Variants in NUDC observed in about 807,000 individuals in gnomAD.
The protein encoded by NUDC is nuclear distribution C, dynein complex regulator, also known as nuclear migration protein nudC.
NUDC carries 14 observed loss-of-function variants against 45.0 expected under a neutral mutation model. The observed-to-expected ratio is 0.31, with a 90% CI of 0.21 to 0.49. The LOEUF is 0.49. NUDC is among the 20% of genes least tolerant of loss of function. The pLI, the probability that NUDC is intolerant of heterozygous loss-of-function variation, is 0.99. For missense variants in NUDC, 323 were observed against 426.2 expected, an observed-to-expected ratio of 0.76 and a Z score of 2.13; for synonymous variants, 153 against 156.7, an observed-to-expected ratio of 0.98 and a Z score of 0.17.
chr1:26,935,626 C>T (rs2082223090), intron 2 of NUDC, among the ~76,000 whole-genome samples: 1 of 151,968 alleles, frequency 6.6e-6, no homozygotes, highest in Non-Finnish European at 1.5e-5. Flanking sequence ...CTTCCCATGA[C>T]ATGTGGGGAT....
chr1:26,935,971 A>G (rs998372476), intron 2 of NUDC, among the ~76,000 whole-genome samples: 3 of 149,062 alleles, frequency 2.0e-5, no homozygotes, highest in Non-Finnish European at 4.5e-5. Flanking sequence ...CTACAAAAAA[A>G]AAATGTTTTG....
At chr1:26,908,209 T>C (rs774392897) in intron 2 of NUDC, among the ~76,000 whole-genome samples, 139 of 150,300 alleles carry the variant, frequency 9.2e-4, no homozygotes, top group Non-Finnish European at 1.7e-3. Context: ...GCACAGACAG[T>C]GATCAGCCCA....
At chr1:26,943,419 T>C (rs1181808881) in intron 6 of NUDC, among the ~76,000 whole-genome samples, 6 of 152,148 alleles carry the variant, frequency 3.9e-5, no homozygotes, top group African/African-American at 9.7e-5. Flanking sequence ...GGTCTCACTA[T>C]ATTTCCCAGG....
intron 2 of NUDC, among the ~76,000 whole-genome samples, chr1:26,928,891 A>G (rs996214385): frequency 6.6e-6 from 1 of 152,200 alleles, no homozygotes; most frequent in Non-Finnish European, 1.5e-5. Context: ...GAATACAACT[A>G]TCGTATGTTC....
intron 3 of NUDC, among the ~76,000 whole-genome samples, chr1:26,916,543 A>G (rs1340527004): frequency 6.6e-6 from 1 of 152,178 alleles, no homozygotes; most frequent in Non-Finnish European, 1.5e-5. Flanking sequence ...GCTTTCTGGT[A>G]TAGCAAGATA....
At chr1:26,933,936 C>T (rs908368101) in intron 2 of NUDC, among the ~76,000 whole-genome samples, 5 of 152,046 alleles carry the variant, frequency 3.3e-5, no homozygotes, top group Non-Finnish European at 5.9e-5. Flanking sequence ...GGGCAGATCA[C>T]GAGGTCAGGA....
chr1:26,946,075 G>A lies in NUDC; in HGVS notation c.945-55G>A, dbSNP rs2082315436. On this transcript the variant is annotated intron_variant, in intron 8 of 8. Transcript: ENST00000321265. The stretch of plus-strand genomic sequence containing the variant: ...ACTTGACACGGGGGTGCTGGGAGAA[G>A]GGACAGCTTTAGAAGAGAAGGATGA... 2.6e-5 allele frequency: 41 copies of A among 1,554,010 alleles called. 2 individuals carry two copies. The South Asian group carries it at 4.6e-4, about 17-fold the overall frequency.
At chr1:26,905,777 AT>A (rs1416716492) in intron 2 of NUDC, among the ~76,000 whole-genome samples, 2 of 152,056 alleles carry the variant, frequency 1.3e-5, no homozygotes, top group African/African-American at 4.8e-5. Flanking sequence ...TTTCTCCAAG[AT>A]TTTCAACCCA....
chr1:26,918,140 G>A (rs974001990), upstream of NUDC, among the ~76,000 whole-genome samples: 3 of 151,102 alleles, frequency 2.0e-5, no homozygotes, highest in South Asian at 2.1e-4. Context: ...CTTTCACACC[G>A]AGGAATCTGG....
At chr1:26,913,386 C>A in intron 3 of NUDC, 9 of 1,613,324 alleles carry the variant, frequency 5.6e-6, no homozygotes, top group Non-Finnish European at 7.6e-6. Context: ...TTGCCCCCCA[C>A]CCAGGAGTGT....
rs1316678081 is a variant in NUDC, at chr1:26,910,362, G to A, written c.-15-766G>A. Among the ~76,000 whole-genome samples, 5 of 152,154 alleles carry A rather than the reference G, an allele frequency of 3.3e-5. No homozygotes were observed. In the East Asian group the frequency reaches 5.8e-4, roughly 18 times the overall value. On this transcript the variant is annotated intron_variant, in intron 2 of 6. Coordinates refer to the NUDC transcript ENST00000435827. ...TGTATTTGTGTGAGATCTCAGCTGT[G>A]TTTTTGTCTCTATCTGGTGTCTGAC...
intron 2 of NUDC, among the ~76,000 whole-genome samples, chr1:26,932,323 C>CCT: frequency 6.6e-6 from 1 of 151,666 alleles, no homozygotes; most frequent in Non-Finnish European, 1.5e-5. Flanking sequence ...ATTACAGGTG[C>CCT]GCACAACCAT....
In NUDC at chr1:26,921,758, C is replaced by T. The variant is rs1001558366; in HGVS notation, c.-91C>T. Reference sequence around the variant, plus strand: ...CGGCTCCGCTGCGGAAGGCGGACGACTAGAGTCGTTGGGCCCGGCGCGACC... The same window carrying T: ...CGGCTCCGCTGCGGAAGGCGGACGATTAGAGTCGTTGGGCCCGGCGCGACC... On this transcript the variant is annotated 5_prime_UTR_variant, in exon 1 of 9. Coordinates refer to ENST00000321265, the MANE Select transcript of NUDC (RefSeq NM_006600.4). 16 of 1,379,684 alleles carry T rather than the reference C, an allele frequency of 1.2e-5. No homozygotes were observed. Among genetic ancestry groups the T allele is most frequent in the Non-Finnish European group, 1.6e-5 (16 of 996,056 alleles). 85.5% of individuals were successfully genotyped at this position (1,379,684 alleles called of 1,614,324 possible). A position where few individuals can be genotyped will look rare whatever the true frequency, so the allele number is the denominator to read the frequency against.
chr1:26,934,682 T>C (rs1247304640), intron 2 of NUDC, among the ~76,000 whole-genome samples: 3 of 149,714 alleles, frequency 2.0e-5, no homozygotes, highest in East Asian at 2.0e-4. Flanking sequence ...TTTTTTGAGA[T>C]GGAGTCTCGC....
intron 1 of NUDC, among the ~76,000 whole-genome samples, chr1:26,901,589 G>C (rs926653492): frequency 6.6e-6 from 1 of 151,868 alleles, no homozygotes; most frequent in Non-Finnish European, 1.5e-5. Flanking sequence ...ATTTTTAGTA[G>C]AGACGGGGTT....
Position 26,942,929 on chromosome 1 carries a change from T to G in NUDC, c.605T>G (p.Ile202Ser). 1 of 1,613,934 alleles carries G rather than the reference T, an allele frequency of 6.2e-7. No individual in the cohort carries two copies. The highest frequency in any genetic ancestry group is 2.2e-5 in the East Asian group (1 of 44,878). Residue 202 changes from isoleucine (I) to serine (S), a missense_variant, in exon 6 of 9, where the codon ATC (isoleucine) becomes AGC (serine). This residue lies in a region of NUDC where 245 missense variants were observed against 278.8 expected (regional missense o/e 0.88). Coordinates refer to ENST00000321265, the MANE Select transcript of NUDC (RefSeq NM_006600.4). ...RLKGKDMVVD[I>S]QRRHLRVGLK... ...AAAGGGAAGGACATGGTGGTGGACA[T>G]CCAGCGGCGGCACCTCCGGGTGGGG...
intron 2 of NUDC, among the ~76,000 whole-genome samples, chr1:26,929,220 C>G (rs2082158520): frequency 6.6e-6 from 1 of 151,950 alleles, no homozygotes; most frequent in Non-Finnish European, 1.5e-5. Flanking sequence ...GCTTAACCAA[C>G]CACTGATGGA....
intron 3 of NUDC, chr1:26,912,102 G>C (rs548748734): frequency 7.4e-6 from 12 of 1,612,670 alleles, no homozygotes; most frequent in Non-Finnish European, 1.0e-5. Flanking sequence ...GGCAGAGAGG[G>C]AGAAGAGGGC....
rs781572978 is a variant in NUDC, at chr1:26,945,396, A to C, written c.748A>C (p.Lys250Gln). The C allele has an allele frequency of 2.3e-5, 37 of 1,613,876 alleles. No individual in the cohort carries two copies. Among genetic ancestry groups the C allele is most frequent in the Non-Finnish European group, 3.1e-5 (36 of 1,179,920 alleles). ...VVTVHLEKIN[K>Q]MEWWSRLVSS... ...CTGGTTGTTCTCTTCACAGATCAAT[A>C]AGATGGAGTGGTGGAGCCGCTTGGT... Residue 250 changes from lysine to glutamine, a missense_variant, in exon 7 of 9, where the codon AAG (lysine) becomes CAG (glutamine). Physicochemically the swap from Lys to Gln is moderately conservative, Grantham distance 53. Coordinates refer to ENST00000321265, the MANE Select transcript of NUDC (RefSeq NM_006600.4).
Sources: gnomAD v4.1 joint callset for allele counts (sites outside exome capture counted in the v4.1 genomes callset) on GRCh38, gnomAD v4.1.1 for gene constraint, gnomAD v4.1.1 regional missense constraint, MANE v1.5 for transcripts, NCBI Gene and HGNC (gene_info 2026-07-23, HGNC 2026-07-21) for gene names.